Variants in ANK1 observed in about 807,000 individuals in gnomAD.
ANK1 encodes the protein ankyrin 1.
In ANK1, 51 loss-of-function variants were observed where a neutral mutation model predicts 210.4. The ratio of observed to expected loss-of-function variants is 0.24; its 90% confidence interval spans 0.19 to 0.31. The LOEUF (loss-of-function observed/expected upper bound fraction) is 0.31. Among genes scored for constraint, ANK1 ranks in the 10% least tolerant of loss-of-function variants. ANK1 has a pLI of 1.00. For missense variants in ANK1, 2,051 were observed against 2,504.4 expected (o/e 0.82, Z 3.86); for synonymous variants, 967 against 1,025.9 (o/e 0.94, Z 1.10).
At chr8:41,711,718 T>C (rs1007405473) in intron 16 of ANK1, among the ~76,000 whole-genome samples, 2 of 152,330 alleles carry the variant, frequency 1.3e-5, no homozygotes, top group African/African-American at 2.4e-5. Context: ...ATACCTTCCA[T>C]GTATTGATTT....
intron 1 of ANK1, among the ~76,000 whole-genome samples, chr8:41,851,388 C>A (rs1811207780): frequency 6.6e-6 from 1 of 152,242 alleles, no homozygotes; most frequent in Admixed American, 6.5e-5. Context: ...GGATCTGAAT[C>A]TACTAGGTCT....
At chr8:41,712,396 T>C (rs1055959575) in intron 16 of ANK1, among the ~76,000 whole-genome samples, 2 of 152,228 alleles carry the variant, frequency 1.3e-5, no homozygotes, top group Non-Finnish European at 2.9e-5. Context: ...TGGCTCAGGC[T>C]ACCAGGTAAA....
At chr8:41,754,099 G>A (rs1430820994) in intron 2 of ANK1, among the ~76,000 whole-genome samples, 5 of 152,118 alleles carry the variant, frequency 3.3e-5, no homozygotes, top group Admixed American at 2.6e-4. Context: ...GTCATTATTT[G>A]ATTAATAGCT....
At chr8:41,713,772 C>T (rs548737512) in intron 16 of ANK1, among the ~76,000 whole-genome samples, 27 of 152,308 alleles carry the variant, frequency 1.8e-4, no homozygotes, top group Admixed American at 1.8e-3. Flanking sequence ...TGCACAGTCC[C>T]ACGGAGTCAG....
intron 1 of ANK1, among the ~76,000 whole-genome samples, chr8:41,858,424 A>T (rs978674977): frequency 2.0e-5 from 3 of 152,126 alleles, no homozygotes; most frequent in Non-Finnish European, 4.4e-5. Flanking sequence ...CTACCCAAGC[A>T]CTGCTGAGCA....
At chr8:41,734,434 C>T (rs922525515) in intron 2 of ANK1, among the ~76,000 whole-genome samples, 1 of 152,198 alleles carries the variant, frequency 6.6e-6, no homozygotes, top group Non-Finnish European at 1.5e-5. Flanking sequence ...ATTTTCACAA[C>T]AGTGACCAGG....
At chr8:41,683,642 G>C (rs1816808691) in intron 37 of ANK1, among the ~76,000 whole-genome samples, 1 of 152,252 alleles carries the variant, frequency 6.6e-6, no homozygotes, top group African/African-American at 2.4e-5. Flanking sequence ...TTCAAGGTCT[G>C]TAAGGAATTT....
At chr8:41,747,728 G>C (rs1836539268) in intron 2 of ANK1, among the ~76,000 whole-genome samples, 1 of 152,144 alleles carries the variant, frequency 6.6e-6, no homozygotes, top group Non-Finnish European at 1.5e-5. Context: ...CCATAATGTG[G>C]AGTTTAGAGA....
intron 1 of ANK1, chr8:41,829,439 G>C (rs912147805): frequency 6.6e-6 from 1 of 152,262 alleles, no homozygotes; most frequent in Non-Finnish European, 1.5e-5. Context: ...GAGAGGTTAA[G>C]TGCTACTTGC....
chr8:41,670,113 C>A lies in ANK1; in HGVS notation c.5097-1549G>T, dbSNP rs75159846. ...CTCTGCTTGATTTTTCTTTTTAGCA[C>A]GTATTATCTAGAATTTCTGTTTTAA... On this transcript the variant is annotated intron_variant, in intron 38 of 42. Transcript: ENST00000289734. Among the ~76,000 whole-genome samples the A allele has an allele frequency of 6.1e-4, 93 of 151,998 alleles. 1 individual carries two copies. Among genetic ancestry groups the A allele is most frequent in the African/African-American group, 2.1e-3 (87 of 41,454 alleles).
Position 41,706,123 on chromosome 8 carries a change from G to C in ANK1, c.2097+20C>G. The C allele has an allele frequency of 6.2e-7, 1 of 1,611,378 alleles. No homozygotes were observed. Among genetic ancestry groups the C allele is most frequent in the Non-Finnish European group, 8.5e-7 (1 of 1,177,812 alleles). ...GAGCAAGGAGTCCACACAGACTGAA[G>C]TTCCGGCTGCCTGCCTTACCCGGGT... On this transcript the variant is annotated intron_variant, in intron 18 of 42. Transcript: ENST00000289734.
chr8:41,690,194 C>T (rs375195843), intron 33 of ANK1, 33 bp downstream of exon 33: 59 of 1,613,838 alleles, frequency 3.7e-5, no homozygotes, highest in Non-Finnish European at 4.5e-5. Flanking sequence ...GAAGCCGTCT[C>T]GGGCCAAGGC....
At chr8:41,717,188 T>C in intron 12 of ANK1, 137 bp from the exon 13 acceptor site, 2 of 842,360 alleles carry the variant, frequency 2.4e-6, no homozygotes, top group South Asian at 1.4e-5. Flanking sequence ...CAGGCAGCTC[T>C]TTAGCCTGGT....
intron 36 of ANK1, 108 bp downstream of exon 36, chr8:41,686,044 G>T (rs1586070527): frequency 1.9e-6 from 3 of 1,548,366 alleles, no homozygotes; most frequent in East Asian, 4.5e-5. Context: ...GAGAGAGACA[G>T]AGACAGACTG....
At chr8:41,742,610 G>A (rs1268126021) in intron 2 of ANK1, among the ~76,000 whole-genome samples, 1 of 152,106 alleles carries the variant, frequency 6.6e-6, no homozygotes, top group African/African-American at 2.4e-5. Context: ...ATAACACTCG[G>A]GAAACACAAA....
rs1272544174 is a variant in ANK1 at position 41,690,313 on chromosome 8, G to C, written c.4018C>G (p.Leu1340Val). 6.2e-7 allele frequency: 1 copy of C among 1,614,242 alleles called. No homozygotes were observed. Among genetic ancestry groups the C allele is most frequent in the Non-Finnish European group, 8.5e-7 (1 of 1,180,048 alleles). Residue 1340 changes from leucine (L) to valine (V), a missense_variant, in exon 33 of 43, where the codon CTG (leucine) becomes GTG (valine). Coordinates refer to ENST00000289734, the MANE Select transcript of ANK1 (RefSeq NM_000037.4). ...TTCATCGCCTTGCGCAGAAACGACA[G>C]GGACCCTCCCGGCTCTCGACTGCTG... ...RDSSREPGGSLSFLRKAMKYE... is the reference protein window; with the variant it reads ...RDSSREPGGSVSFLRKAMKYE...
At chr8:41,827,880 A>T (rs770336667) in intron 1 of ANK1, among the ~76,000 whole-genome samples, 5 of 150,942 alleles carry the variant, frequency 3.3e-5, no homozygotes, top group Non-Finnish European at 5.9e-5. Flanking sequence ...CCCCACACAC[A>T]TGCTCACGCC....
At chr8:41,816,109 T>A (rs997917595) in intron 1 of ANK1, among the ~76,000 whole-genome samples, 5 of 152,230 alleles carry the variant, frequency 3.3e-5, no homozygotes, top group Admixed American at 2.6e-4. Flanking sequence ...TTCTTAACAA[T>A]TATGTTTGGA....
rs548045009 is a variant in ANK1, at chr8:41,685,793, CCT to C, written c.4390+357_4390+358del. Among the ~76,000 whole-genome samples the C allele has an allele frequency of 1.7e-3, 257 of 152,326 alleles. 2 individuals carry two copies. Among genetic ancestry groups the C allele is most frequent in the African/African-American group, 5.7e-3 (239 of 41,578 alleles). On this transcript the variant is annotated intron_variant, in intron 36 of 42. Coordinates refer to ENST00000289734, the MANE Select transcript of ANK1 (RefSeq NM_000037.4). ...GGGACTACAGGTGTGTGCCACCACA[CCT>C]GGCTAATTTTGAAAGGACTATGTTA...
Sources: allele counts gnomAD v4.1 joint callset (sites outside exome capture counted in the v4.1 genomes callset), GRCh38; gene constraint gnomAD v4.1.1; transcripts MANE v1.5; gene names NCBI Gene and HGNC (gene_info 2026-07-23, HGNC 2026-07-21).